Variants in CWF19L2 observed in about 807,000 individuals in gnomAD.
The protein encoded by CWF19L2 is CWF19 like cell cycle control factor 2.
A neutral mutation model predicts 111.7 loss-of-function variants in CWF19L2; 98 were observed. The observed-to-expected ratio is 0.88, with a 90% CI of 0.75 to 1.04. The LOEUF (loss-of-function observed/expected upper bound fraction) is 1.04, where lower values mean the gene tolerates loss of function less well. Ranked by LOEUF, CWF19L2 falls within the 50% of genes least tolerant of loss-of-function variation. The pLI is 0.00. For synonymous variants in CWF19L2, 351 were observed against 342.9 expected (o/e 1.02, Z -0.26); for missense variants, 1,101 against 1,051.4 (o/e 1.05, Z -0.65).
At chr11:107,349,135 G>T in intron 13 of CWF19L2, 82 bp from the exon 14 acceptor site, 1 of 573,526 alleles carries the variant, frequency 1.7e-6, no homozygotes, top group Non-Finnish European at 2.8e-6. Context: ...TTTATTCTCA[G>T]TTGTAACAGA....
At chr11:107,445,452 A>G (rs1007766039) in intron 3 of CWF19L2, among the ~76,000 whole-genome samples, 5 of 152,026 alleles carry the variant, frequency 3.3e-5, no homozygotes, top group Admixed American at 3.3e-4. Context: ...AAAAATACAA[A>G]AATTAGCCAG....
At chr11:107,361,218 C>T (rs1860328780) in intron 12 of CWF19L2, among the ~76,000 whole-genome samples, 1 of 152,184 alleles carries the variant, frequency 6.6e-6, no homozygotes, top group South Asian at 2.1e-4. Flanking sequence ...AGTATCTTTT[C>T]CCCGGTGTAT....
Position 107,353,587 on chromosome 11 carries a change from T to A in CWF19L2, c.2022A>T (p.Lys674Asn), listed in dbSNP as rs753040694. ...EHRSLAAQME[K>N]CLYCFDSSQF... The stretch of plus-strand genomic sequence containing the variant: ...GAGAGCTGTCAAAACAATACAGACA[T>A]TTTTCCATTTGTGCAGCAAGACTCC... The change falls in exon 13 of 18, where the codon AAA becomes AAT. Residue 674 changes from lysine (K) to asparagine (N), a missense_variant. Transcript: ENST00000282251. 4.3e-6 allele frequency: 7 copies of A among 1,613,664 alleles called. No homozygotes were observed. Among genetic ancestry groups the A allele is most frequent in the Non-Finnish European group, 5.9e-6 (7 of 1,179,758 alleles).
At chr11:107,406,021 C>T (rs1363024060) in intron 10 of CWF19L2, among the ~76,000 whole-genome samples, 1 of 152,022 alleles carries the variant, frequency 6.6e-6, no homozygotes, top group Non-Finnish European at 1.5e-5. Context: ...AAGTGGCTTC[C>T]ACCAGGATTG....
intron 3 of CWF19L2, among the ~76,000 whole-genome samples, chr11:107,447,567 T>A (rs1479809225): frequency 6.6e-6 from 1 of 152,218 alleles, no homozygotes; most frequent in African/African-American, 2.4e-5. Flanking sequence ...CATGCCTTAG[T>A]AGAAAGGCTA....
chr11:107,385,493 C>T (rs1591176700), intron 12 of CWF19L2, among the ~76,000 whole-genome samples: 1 of 151,818 alleles, frequency 6.6e-6, no homozygotes, highest in African/African-American at 2.4e-5. Context: ...TTTATCTAAA[C>T]GTCAATTAAA....
At chr11:107,393,794 C>T (rs1860883012) in intron 10 of CWF19L2, among the ~76,000 whole-genome samples, 1 of 152,124 alleles carries the variant, frequency 6.6e-6, no homozygotes, top group African/African-American at 2.4e-5. Flanking sequence ...TCAAATACTG[C>T]ATGTTCTCAC....
At chr11:107,379,782 G>A (rs1003255440) in intron 12 of CWF19L2, among the ~76,000 whole-genome samples, 16 of 152,000 alleles carry the variant, frequency 1.1e-4, no homozygotes, top group African/African-American at 1.7e-4. Flanking sequence ...ATACTCAGCC[G>A]GGCGCGGTGG....
intron 8 of CWF19L2, among the ~76,000 whole-genome samples, chr11:107,426,417 AAAAGT>A (rs1185664941): frequency 1.3e-5 from 2 of 151,920 alleles, no homozygotes; most frequent in Non-Finnish European, 2.9e-5. Flanking sequence ...AAAATATGTA[AAAAGT>A]AAAATGCATG....
chr11:107,426,625 T>G (rs531220166), intron 8 of CWF19L2, among the ~76,000 whole-genome samples: 1 of 151,864 alleles, frequency 6.6e-6, no homozygotes, highest in South Asian at 2.1e-4. Context: ...AATGGAGTAT[T>G]AAAGAGCCTT....
chr11:107,365,140 T>C (rs1191550496), intron 12 of CWF19L2, among the ~76,000 whole-genome samples: 1 of 141,168 alleles, frequency 7.1e-6, no homozygotes, highest in Non-Finnish European at 1.5e-5. Context: ...GTTGAATCTC[T>C]GAATAGACCA....
chr11:107,351,324 T>C (rs186371028), intron 13 of CWF19L2, among the ~76,000 whole-genome samples: 25 of 152,230 alleles, frequency 1.6e-4, no homozygotes, highest in Admixed American at 1.6e-3. Context: ...CAAGGTCTAA[T>C]GCAAGCAACT....
intron 15 of CWF19L2, among the ~76,000 whole-genome samples, chr11:107,336,144 C>G (rs549497229): frequency 2.6e-5 from 4 of 151,502 alleles, no homozygotes; most frequent in Middle Eastern, 3.2e-3. Context: ...TTGCTTGAAT[C>G]CAGGAGGCAG....
At chr11:107,400,417 T>C (rs1182209442) in intron 10 of CWF19L2, among the ~76,000 whole-genome samples, 1 of 152,080 alleles carries the variant, frequency 6.6e-6, no homozygotes, top group Non-Finnish European at 1.5e-5. Flanking sequence ...CAAAAGATCA[T>C]TCAAAGCTAC....
intron 14 of CWF19L2, among the ~76,000 whole-genome samples, chr11:107,337,680 C>T (rs1392430479): frequency 2.6e-5 from 4 of 151,898 alleles, no homozygotes; most frequent in Non-Finnish European, 5.9e-5. Context: ...TTTGGGAGGC[C>T]GAGGTGGGTA....
intron 12 of CWF19L2, among the ~76,000 whole-genome samples, chr11:107,387,888 T>C (rs1405263435): frequency 2.0e-5 from 3 of 152,172 alleles, no homozygotes; most frequent in South Asian, 4.1e-4. Context: ...GGCCCAGGGA[T>C]ATGGGCCCCC....
At chr11:107,399,205 G>C (rs1860966297) in intron 10 of CWF19L2, among the ~76,000 whole-genome samples, 1 of 152,114 alleles carries the variant, frequency 6.6e-6, no homozygotes, top group South Asian at 2.1e-4. Flanking sequence ...AAAAGTAACG[G>C]TACCTCACCT....
At chr11:107,442,717 A>G (rs1353647430) in intron 4 of CWF19L2, among the ~76,000 whole-genome samples, 6 of 132,178 alleles carry the variant, frequency 4.5e-5, no homozygotes, top group African/African-American at 1.7e-4. Context: ...AGAGAGAGAG[A>G]GAGAAAGAGA....
At chr11:107,340,098 T>G (rs1339759802) in intron 14 of CWF19L2, among the ~76,000 whole-genome samples, 1 of 152,208 alleles carries the variant, frequency 6.6e-6, no homozygotes, top group Non-Finnish European at 1.5e-5. Flanking sequence ...TAATTTGTCT[T>G]TTCATCTTCA....
Sources: allele counts gnomAD v4.1 joint callset (sites outside exome capture counted in the v4.1 genomes callset), GRCh38; gene constraint gnomAD v4.1.1; transcripts MANE v1.5; gene names NCBI Gene and HGNC (gene_info 2026-07-23, HGNC 2026-07-21).